The following SRP68 variants were observed in gnomAD, a reference collection of about 807,000 sequenced individuals.
The protein encoded by SRP68 is signal recognition particle 68.
SRP68 carries 15 observed loss-of-function variants against 82.2 expected under a neutral mutation model. The ratio of observed to expected loss-of-function variants is 0.18; its 90% CI spans 0.12 to 0.28. SRP68 has a LOEUF of 0.28. Ranked by LOEUF, SRP68 falls within the 10% of genes least tolerant of loss-of-function variation. The pLI, the probability that SRP68 is intolerant of heterozygous loss-of-function variation, is 1.00. For synonymous variants in SRP68, 261 were observed against 292.6 expected (o/e 0.89, Z 1.10); for missense variants, 595 against 780.5 (o/e 0.76, Z 2.83).
In SRP68 at chr17:76,067,324, G is replaced by A. The variant is rs770265777; in HGVS notation, c.258C>T (p.Tyr86=). 6.2e-7 allele frequency: 1 copy of A among 1,611,438 alleles called. No individual in the cohort carries two copies. The highest frequency in any genetic ancestry group is 1.1e-5 in the South Asian group (1 of 90,554). ...RHGDFQRYRG[Y]CSRRQRRLRK... The stretch of plus-strand genomic sequence containing the variant: ...GAAGACGTCTTTGTCTACGGGAACA[G>A]TAGCCCCTGTAAGAAACCACAAACA... The change falls in exon 3 of 16, where the codon TAC becomes TAT. Residue 86 remains tyrosine, a synonymous_variant. Transcript: ENST00000307877.
intron 12 of SRP68, among the ~76,000 whole-genome samples, chr17:76,044,428 G>C (rs1448565888): frequency 6.6e-6 from 1 of 152,212 alleles, no homozygotes; most frequent in Non-Finnish European, 1.5e-5. Context: ...GCTGGTCCCT[G>C]ACAGGACAGA....
chr17:76,041,297 G>A (rs964626812), intron 13 of SRP68: 18 of 187,494 alleles, frequency 9.6e-5, no homozygotes, highest in Middle Eastern at 2.1e-3. Flanking sequence ...CAATAATCCT[G>A]AGGCAGTTTG....
intron 2 of SRP68, among the ~76,000 whole-genome samples, chr17:76,068,701 C>T (rs1293367634): frequency 1.3e-5 from 2 of 152,184 alleles, no homozygotes; most frequent in African/African-American, 4.8e-5. Context: ...CCTTCTATTA[C>T]AGTGTGTGAC....
chr17:76,066,002 T>G (rs2066803386), intron 3 of SRP68, among the ~76,000 whole-genome samples: 1 of 151,670 alleles, frequency 6.6e-6, no homozygotes, highest in African/African-American at 2.4e-5. Flanking sequence ...CAATAAAACT[T>G]CATTTACACA....
chr17:76,063,692 A>C (rs1217763384), intron 4 of SRP68, among the ~76,000 whole-genome samples: 2 of 151,928 alleles, frequency 1.3e-5, no homozygotes, highest in Non-Finnish European at 2.9e-5. Flanking sequence ...TGTCTGAAAA[A>C]AAAAAAAAAA....
chr17:76,061,471 C>A (rs1357964050), intron 5 of SRP68, 21 bp downstream of exon 5: 9 of 1,605,134 alleles, frequency 5.6e-6, no homozygotes, highest in Non-Finnish European at 7.7e-6. Flanking sequence ...CTGGCCACAG[C>A]CTTTGGACTA....
chr17:76,044,006 C>G, intron 12 of SRP68, 48 bp from the exon 13 acceptor site: 1 of 1,564,792 alleles, frequency 6.4e-7, no homozygotes, highest in Non-Finnish European at 8.6e-7. Flanking sequence ...AGCAATTACC[C>G]AAGACCAAGG....
At chr17:76,062,766 A>ATATAT (rs2066776515) in intron 4 of SRP68, among the ~76,000 whole-genome samples, 4 of 71,634 alleles carry the variant, frequency 5.6e-5, no homozygotes, top group South Asian at 3.9e-4. Context: ...TATATATATA[A>ATATAT]AATATATATA....
Position 76,072,408 on chromosome 17 carries a change from G to A in SRP68, c.84C>T (p.Gly28=). The A allele has an allele frequency of 6.3e-7, 1 of 1,595,872 alleles. No individual in the cohort carries two copies. Among genetic ancestry groups the A allele is most frequent in the Non-Finnish European group, 8.5e-7 (1 of 1,176,318 alleles). Residue 28 remains glycine (G), a synonymous_variant, in exon 1 of 16, where the codon GGC becomes GGT. Coordinates refer to ENST00000307877, the MANE Select transcript of SRP68 (RefSeq NM_014230.4). This position sits in a 1 kb window ranked among gnomAD's most constrained non-coding sequence, Gnocchi z 4.5. ...GGGGSGGGGS[G]GGRGAGGEEN... The stretch of plus-strand genomic sequence containing the variant: ...CTTCCCCTCCGGCACCACGTCCACC[G>A]CCGCTACCGCCGCCGCCACTGCCAC...
At chr17:76,056,103 G>A (rs1479619747) in intron 8 of SRP68, among the ~76,000 whole-genome samples, 3 of 151,956 alleles carry the variant, frequency 2.0e-5, no homozygotes, top group Admixed American at 6.6e-5. Context: ...ATGAGCCACC[G>A]TGCCAGCAGT....
chr17:76,058,812 C>A (rs1044353861), intron 7 of SRP68, among the ~76,000 whole-genome samples: 2 of 152,164 alleles, frequency 1.3e-5, no homozygotes, highest in African/African-American at 4.8e-5. Flanking sequence ...AGGAAATAAT[C>A]AAGAATGTGT....
At chr17:76,042,249 T>G (rs1268311201) in intron 13 of SRP68, among the ~76,000 whole-genome samples, 2 of 152,056 alleles carry the variant, frequency 1.3e-5, no homozygotes, top group East Asian at 3.9e-4. Flanking sequence ...CCAGCTGATG[T>G]TGCAACAAGT....
Position 76,038,789 on chromosome 17 carries a change from T to C in SRP68, c.*917A>G, listed in dbSNP as rs566805207. 6.6e-6 allele frequency: 1 copy of C among 152,468 alleles called. No individual in the cohort carries two copies. Among genetic ancestry groups the C allele is most frequent in the East Asian group, 1.9e-4 (1 of 5,196 alleles). The allele number at this position is 152,468 out of a possible 1,614,324, so 9.4% of individuals were successfully genotyped here. ...AGGGAATCGTTAAGTGTCAGGTACA[T>C]GTTTAAATCACTTTTATTCCTTGCT... On this transcript the variant is annotated 3_prime_UTR_variant, in exon 16 of 16. Transcript: ENST00000307877.
intron 7 of SRP68, among the ~76,000 whole-genome samples, chr17:76,059,090 C>G (rs1394429457): frequency 6.6e-6 from 1 of 151,388 alleles, no homozygotes; most frequent in South Asian, 2.1e-4. Context: ...TACCAAAAAA[C>G]AAAAAAAAGT....
In SRP68 at chr17:76,040,972, G is replaced by A; in HGVS notation, c.1531C>T (p.Pro511Ser). ...TGAGTGATGAGCTCTTGCACATCAG[G>A]CAGGTCCTGTAAGATTCAGAAAACG... ...GAFKNSLKDLPDVQELITQVR... is the reference protein window; with the variant it reads ...GAFKNSLKDLSDVQELITQVR... Residue 511 changes from proline (P) to serine (S), a missense_variant, in exon 14 of 16, where the codon CCT (proline) becomes TCT (serine). By Grantham distance (74) the Pro-to-Ser change is moderately conservative (BLOSUM62 -1). This residue lies in a region of SRP68 where 495 missense variants were observed against 688.6 expected (regional missense o/e 0.72). Coordinates refer to ENST00000307877, the MANE Select transcript of SRP68 (RefSeq NM_014230.4). 2 of 1,613,822 alleles carry A rather than the reference G, an allele frequency of 1.2e-6. No homozygotes were observed.
intron 8 of SRP68, among the ~76,000 whole-genome samples, chr17:76,054,458 A>C (rs1037956066): frequency 4.6e-5 from 7 of 152,174 alleles, no homozygotes; most frequent in Admixed American, 4.6e-4. Context: ...TTGAGAATAT[A>C]CATGAATATA....
intron 8 of SRP68, chr17:76,053,417 G>A (rs772676703): frequency 1.9e-5 from 19 of 978,352 alleles, no homozygotes; most frequent in Admixed American, 1.2e-4. Context: ...TGGAGCAACC[G>A]GCGTTCAAGA....
chr17:76,070,561 C>T (rs1308534559), intron 1 of SRP68, 117 bp from the exon 2 acceptor site: 6 of 901,742 alleles, frequency 6.7e-6, no homozygotes, highest in Non-Finnish European at 1.1e-5. Context: ...TGAAATATAG[C>T]CAGGTACGGT....
At position 76,062,736 on chromosome 17, in the gene SRP68, T is replaced by TTATATA. The variant is rs1567935216; in HGVS notation, c.562-1163_562-1162insTATATA. On this transcript the variant is annotated intron_variant, in intron 4 of 15. Coordinates refer to ENST00000307877, the MANE Select transcript of SRP68 (RefSeq NM_014230.4). Reference sequence around the variant, plus strand: ...CAATATATTATATTTATTTTATATATATATATATATATATATATATATATA... The same window carrying TTATATA: ...CAATATATTATATTTATTTTATATATTATATAATATATATATATATATATATATATA... 2.3e-4 allele frequency among the ~76,000 whole-genome samples: 4 copies of TTATATA among 17,750 alleles called. 1 individual carries two copies. The highest frequency in any genetic ancestry group is 1.7e-3 in the African/African-American group (3 of 1,772). 11.6% of individuals were successfully genotyped at this position (17,750 alleles called of 152,430 possible). A position where few individuals can be genotyped will look rare whatever the true frequency, so the allele number is the denominator to read the frequency against.
Sources: allele counts gnomAD v4.1 joint callset (sites outside exome capture counted in the v4.1 genomes callset), GRCh38; gene constraint gnomAD v4.1.1; regional missense constraint gnomAD v4.1.1; non-coding constraint Gnocchi (gnomAD v3.1); transcripts MANE v1.5; gene names NCBI Gene and HGNC (gene_info 2026-07-23, HGNC 2026-07-21).